Variants in PPP1R9A observed in about 807,000 individuals in gnomAD.
The protein encoded by PPP1R9A is protein phosphatase 1 regulatory subunit 9A, also known as neurabin-1.
In PPP1R9A, 59 loss-of-function variants were observed where a neutral mutation model predicts 141.9. The ratio of observed to expected loss-of-function variants is 0.42; its 90% CI spans 0.34 to 0.52. PPP1R9A has a LOEUF of 0.52. Ranked by LOEUF, PPP1R9A falls within the 20% of genes least tolerant of loss-of-function variation. The pLI is 0.10. For missense variants in PPP1R9A, 1,444 were observed against 1,611.9 expected, an observed-to-expected ratio of 0.90 and a Z score of 1.78; for synonymous variants, 500 against 569.7, an observed-to-expected ratio of 0.88 and a Z score of 1.74.
chr7:94,973,095 TTTCACTTCC>T, intron 2 of PPP1R9A, among the ~76,000 whole-genome samples: 1 of 152,308 alleles, frequency 6.6e-6, no homozygotes, highest in East Asian at 1.9e-4. Flanking sequence ...AATGCTGAGA[TTTCACTTCC>T]TTCACTTTTT....
chr7:95,283,822 T>C (rs1804742190), intron 16 of PPP1R9A, among the ~76,000 whole-genome samples, 196 bp from the exon 17 acceptor site: 1 of 152,216 alleles, frequency 6.6e-6, no homozygotes, highest in Non-Finnish European at 1.5e-5. Flanking sequence ...ATGTTGATCA[T>C]TGTCACAGAA....
chr7:94,980,346 G>A (rs1283969020), intron 2 of PPP1R9A, among the ~76,000 whole-genome samples: 3 of 152,108 alleles, frequency 2.0e-5, no homozygotes, highest in African/African-American at 7.2e-5. Flanking sequence ...ATGTGCGTGT[G>A]TGTGTATTAA....
At chr7:95,158,888 T>C (rs1462906268) in intron 4 of PPP1R9A, among the ~76,000 whole-genome samples, 1 of 152,196 alleles carries the variant, frequency 6.6e-6, no homozygotes, top group Non-Finnish European at 1.5e-5. Context: ...TGAAATCACA[T>C]TGTAATATCT....
At chr7:95,233,799 A>G (rs1042406546) in intron 8 of PPP1R9A, among the ~76,000 whole-genome samples, 3 of 152,220 alleles carry the variant, frequency 2.0e-5, no homozygotes, top group Non-Finnish European at 2.9e-5. Flanking sequence ...AGTGAACTGA[A>G]TCCAACAGTA....
Position 94,911,230 on chromosome 7 carries a change from G to C in PPP1R9A, c.1117G>C (p.Asp373His). ...ELAGGDFTSPDASASSCGKEV... is the reference protein window; with the variant it reads ...ELAGGDFTSPHASASSCGKEV... ...TGCAGGTGGTGATTTCACCTCTCCT[G>C]ATGCTTCTGCATCCAGTTGTGGAAA... Residue 373 changes from aspartate to histidine, a missense_variant, in exon 2 of 20, where the codon GAT (aspartate) becomes CAT (histidine). Transcript: ENST00000433360. The C allele has an allele frequency of 6.2e-7, 1 of 1,614,204 alleles. No homozygotes were observed. The highest frequency in any genetic ancestry group is 8.5e-7 in the Non-Finnish European group (1 of 1,180,024).
intron 2 of PPP1R9A, among the ~76,000 whole-genome samples, chr7:95,063,536 G>A (rs1326479745): frequency 6.6e-6 from 1 of 152,114 alleles, no homozygotes; most frequent in Non-Finnish European, 1.5e-5. Flanking sequence ...CTGTACTCCA[G>A]CCTGGGCAAC....
At chr7:95,160,580 A>G (rs192153355) in intron 4 of PPP1R9A, among the ~76,000 whole-genome samples, 7 of 150,712 alleles carry the variant, frequency 4.6e-5, no homozygotes. Context: ...ACCTGGGTAT[A>G]TTGTGTGAGG....
chr7:94,960,125 G>C (rs917759909), intron 2 of PPP1R9A, among the ~76,000 whole-genome samples: 3 of 149,238 alleles, frequency 2.0e-5, no homozygotes, highest in Non-Finnish European at 4.5e-5. Context: ...TTTTCACCAA[G>C]CTTTAAAGAT....
At chr7:95,136,041 A>G (rs948209102) in intron 4 of PPP1R9A, among the ~76,000 whole-genome samples, 3 of 152,114 alleles carry the variant, frequency 2.0e-5, no homozygotes, top group East Asian at 3.8e-4. Flanking sequence ...TTGTAGTGCC[A>G]TGAAAGTTGC....
At chr7:95,242,903 C>G (rs903294419) in intron 8 of PPP1R9A, among the ~76,000 whole-genome samples, 4 of 152,148 alleles carry the variant, frequency 2.6e-5, no homozygotes, top group African/African-American at 9.7e-5. Flanking sequence ...GCCCTGTTAA[C>G]CTTCTATCCC....
chr7:95,205,974 A>G (rs558660775), intron 7 of PPP1R9A, among the ~76,000 whole-genome samples: 1 of 152,178 alleles, frequency 6.6e-6, no homozygotes, highest in Non-Finnish European at 1.5e-5. Context: ...AGAAAAAAAA[A>G]CAAACGTGCA....
At chr7:94,930,322 C>T (rs1486393178) in intron 2 of PPP1R9A, among the ~76,000 whole-genome samples, 1 of 152,098 alleles carries the variant, frequency 6.6e-6, no homozygotes, top group South Asian at 2.1e-4. Context: ...TTTTAAGAAG[C>T]ATAAAGGTTG....
At chr7:94,962,963 T>C (rs1797799397) in intron 2 of PPP1R9A, among the ~76,000 whole-genome samples, 1 of 152,118 alleles carries the variant, frequency 6.6e-6, no homozygotes. Flanking sequence ...TGTTCATACA[T>C]GCTTTATCAG....
At chr7:94,957,624 G>A (rs1420997394) in intron 2 of PPP1R9A, among the ~76,000 whole-genome samples, 1 of 151,956 alleles carries the variant, frequency 6.6e-6, no homozygotes, top group African/African-American at 2.4e-5. Context: ...GAAATTATAG[G>A]ATTTGGGAGC....
At position 95,290,064 on chromosome 7, in the gene PPP1R9A, C is replaced by T. The variant is rs201346336; in HGVS notation, c.3913-27C>T. Reference sequence around the variant, plus strand: ...CAGAGGGCTCATTGGTTTTCAAATTCAGTTTGTGTGTGTGTTTCTTTCTTA... The same window carrying T: ...CAGAGGGCTCATTGGTTTTCAAATTTAGTTTGTGTGTGTGTTTCTTTCTTA... On this transcript the variant is annotated intron_variant, in intron 19 of 19. Transcript: ENST00000433360. The T allele has an allele frequency of 2.1e-5, 34 of 1,607,326 alleles. No individual in the cohort carries two copies. In the African/African-American group the frequency reaches 3.1e-4, roughly 15 times the overall value.
chr7:95,209,266 G>C (rs1051627538), intron 7 of PPP1R9A, among the ~76,000 whole-genome samples: 2 of 152,170 alleles, frequency 1.3e-5, no homozygotes, highest in Non-Finnish European at 2.9e-5. Flanking sequence ...CATAGTTCCT[G>C]CTCTCTGAGG....
intron 7 of PPP1R9A, among the ~76,000 whole-genome samples, chr7:95,211,502 C>T (rs916094208): frequency 6.6e-6 from 1 of 152,174 alleles, no homozygotes; most frequent in African/African-American, 2.4e-5. Context: ...GTTTTTCAAT[C>T]TCAGCACTAG....
At chr7:95,167,163 C>T (rs186188487) in intron 5 of PPP1R9A, among the ~76,000 whole-genome samples, 26 of 152,242 alleles carry the variant, frequency 1.7e-4, no homozygotes, top group African/African-American at 6.3e-4. Flanking sequence ...TCACATCTTA[C>T]ATCTTACATG....
At position 95,221,291 on chromosome 7, in the gene PPP1R9A, A is replaced by G. The variant is rs546283143; in HGVS notation, c.1957-4670A>G. 2.6e-5 allele frequency among the ~76,000 whole-genome samples: 4 copies of G among 152,234 alleles called. No individual in the cohort carries two copies. In the South Asian group the frequency reaches 8.3e-4, roughly 32 times the overall value. ...TAAGGAACTGTTTTGTCCTTACTTT[A>G]TAGATGAAAAGATTAAAGCTTAGAT... On this transcript the variant is annotated intron_variant, in intron 7 of 19. Coordinates refer to ENST00000433360, the MANE Select transcript of PPP1R9A (RefSeq NM_001166160.2).
Sources: gnomAD v4.1 joint callset for allele counts (sites outside exome capture counted in the v4.1 genomes callset) on GRCh38, gnomAD v4.1.1 for gene constraint, MANE v1.5 for transcripts, NCBI Gene and HGNC (gene_info 2026-07-23, HGNC 2026-07-21) for gene names.